The following HPSE2 variants were observed in gnomAD, a reference collection of about 807,000 sequenced individuals.
HPSE2 encodes the protein heparanase 2 (inactive).
In HPSE2, 38 loss-of-function variants were observed where a neutral mutation model predicts 60.5. The observed-to-expected ratio is 0.63, with a 90% confidence interval of 0.48 to 0.82. HPSE2 has a LOEUF of 0.82. Among genes scored for constraint, HPSE2 ranks in the 40% least tolerant of loss-of-function variants. HPSE2 has a pLI of 0.00. For synonymous variants in HPSE2, 295 were observed against 293.2 expected, an observed-to-expected ratio of 1.01 and a Z score of -0.06; for missense variants, 713 against 740.4, an observed-to-expected ratio of 0.96 and a Z score of 0.43.
chr10:99,305,979 G>GCACACACACACACACACA, the HPSE2 span, among the ~76,000 whole-genome samples: 764 of 80,490 alleles, frequency 9.5e-3, 14 homozygotes, highest in Admixed American at 0.016. Flanking sequence ...GCGCGCGCGC[G>GCACACACACACACACACA]CACACACACA....
intron 6 of HPSE2, among the ~76,000 whole-genome samples, chr10:98,643,709 G>T (rs1176239357): frequency 1.3e-5 from 2 of 151,698 alleles, no homozygotes; most frequent in Non-Finnish European, 2.9e-5. Context: ...TCTGATTTTT[G>T]AAAAAAAGAT....
chr10:98,482,835 G>C, intron 10 of HPSE2, 53 bp from the exon 11 acceptor site: 1 of 1,582,962 alleles, frequency 6.3e-7, no homozygotes, highest in South Asian at 1.1e-5. Flanking sequence ...TGGTCAGTTA[G>C]ATGCTTCTAA....
At chr10:98,936,374 C>T (rs530404845) in intron 3 of HPSE2, among the ~76,000 whole-genome samples, 1 of 143,860 alleles carries the variant, frequency 7.0e-6, no homozygotes, top group Non-Finnish European at 1.5e-5. Context: ...CAGTTCAGTG[C>T]CTGCCTGAAC....
At chr10:99,168,127 C>T (rs12572314) in intron 2 of HPSE2, among the ~76,000 whole-genome samples, 2,458 of 145,782 alleles carry the variant, frequency 0.017, 95 homozygotes, top group East Asian at 0.15. Context: ...CACACACACA[C>T]GGCTTTGTAG....
At chr10:98,680,841 C>T (rs1182306242) in intron 6 of HPSE2, among the ~76,000 whole-genome samples, 3 of 152,056 alleles carry the variant, frequency 2.0e-5, no homozygotes, top group Admixed American at 2.0e-4. Flanking sequence ...CTGTAACCTC[C>T]GCCTCCTGGG....
chr10:98,921,725 T>C (rs974749998), intron 3 of HPSE2, among the ~76,000 whole-genome samples: 1 of 152,194 alleles, frequency 6.6e-6, no homozygotes, highest in African/African-American at 2.4e-5. Flanking sequence ...CCCCAGCAGC[T>C]GAGGCCAGTG....
At chr10:99,130,976 AG>A (rs1284013803) in intron 3 of HPSE2, among the ~76,000 whole-genome samples, 4 of 152,216 alleles carry the variant, frequency 2.6e-5, no homozygotes, top group Non-Finnish European at 5.9e-5. Flanking sequence ...AAACAAGGCT[AG>A]GTGATTAAAG....
intron 2 of HPSE2, among the ~76,000 whole-genome samples, chr10:99,162,293 A>G (rs1182335207): frequency 6.6e-6 from 1 of 152,236 alleles, no homozygotes; most frequent in Non-Finnish European, 1.5e-5. Flanking sequence ...AAAATGAACC[A>G]TCTTAAAACC....
chr10:98,561,093 A>G (rs765034023), intron 9 of HPSE2, among the ~76,000 whole-genome samples: 14 of 152,100 alleles, frequency 9.2e-5, no homozygotes, highest in Non-Finnish European at 2.1e-4. Flanking sequence ...TGAGAGCTCC[A>G]GGCCATGGAA....
At chr10:98,969,885 A>G (rs1469049061) in intron 3 of HPSE2, among the ~76,000 whole-genome samples, 1 of 152,144 alleles carries the variant, frequency 6.6e-6, no homozygotes, top group Non-Finnish European at 1.5e-5. Flanking sequence ...GAAGTTTCCA[A>G]TCATGGGAGA....
chr10:98,940,282 A>G (rs1954950367), intron 3 of HPSE2, among the ~76,000 whole-genome samples: 1 of 144,076 alleles, frequency 6.9e-6, no homozygotes, highest in Non-Finnish European at 1.5e-5. Flanking sequence ...CAAAAAATTA[A>G]TGAATCCAGG....
chr10:99,148,782 C>G (rs1348164141), intron 2 of HPSE2, among the ~76,000 whole-genome samples: 2 of 138,292 alleles, frequency 1.4e-5, no homozygotes, highest in Non-Finnish European at 3.2e-5. Flanking sequence ...AAGAGCGAAA[C>G]TCCACTCAAT....
chr10:98,946,424 G>A (rs1261338908), intron 3 of HPSE2, among the ~76,000 whole-genome samples: 1 of 148,352 alleles, frequency 6.7e-6, no homozygotes, highest in African/African-American at 2.5e-5. Context: ...AGTAAGTCAT[G>A]ATCATACCAC....
chr10:99,080,618 A>T (rs1322747865), intron 3 of HPSE2, among the ~76,000 whole-genome samples: 1 of 152,242 alleles, frequency 6.6e-6, no homozygotes, highest in African/African-American at 2.4e-5. Flanking sequence ...ATTTAGTTCC[A>T]CTTAGCAAAT....
chr10:99,222,202 G>T (rs1849337597), intron 2 of HPSE2, among the ~76,000 whole-genome samples: 1 of 152,056 alleles, frequency 6.6e-6, no homozygotes, highest in Non-Finnish European at 1.5e-5. Flanking sequence ...TATAACAGGG[G>T]TAATGAAAAT....
chr10:99,234,165 G>A (rs933500920), intron 1 of HPSE2, among the ~76,000 whole-genome samples: 1 of 152,212 alleles, frequency 6.6e-6, no homozygotes, highest in African/African-American at 2.4e-5. Context: ...GCGCGGAGCT[G>A]GCTGTTCCGC....
chr10:99,179,262 T>C (rs1847659046), intron 2 of HPSE2, among the ~76,000 whole-genome samples: 1 of 152,180 alleles, frequency 6.6e-6, no homozygotes, highest in Non-Finnish European at 1.5e-5. Flanking sequence ...ATTGGAAGTT[T>C]TCGCTAGGGC....
the HPSE2 span, among the ~76,000 whole-genome samples, chr10:99,263,134 C>G: frequency 6.6e-6 from 1 of 152,154 alleles, no homozygotes; most frequent in South Asian, 2.1e-4. Context: ...GACATTCACT[C>G]CATTTCCCCA....
chr10:99,030,593 A>T (rs533110281), intron 3 of HPSE2, among the ~76,000 whole-genome samples: 3 of 152,246 alleles, frequency 2.0e-5, no homozygotes, highest in African/African-American at 7.2e-5. Context: ...GGTTCCTCAA[A>T]AAACTAAAAA....
Sources: allele counts gnomAD v4.1 joint callset (sites outside exome capture counted in the v4.1 genomes callset), GRCh38; gene constraint gnomAD v4.1.1; transcripts MANE v1.5; gene names NCBI Gene and HGNC (gene_info 2026-07-23, HGNC 2026-07-21).